Variants in MRGPRF observed in about 807,000 individuals in gnomAD.
MRGPRF encodes mas-related G protein-coupled receptor member F.
A neutral mutation model predicts 3.3 loss-of-function variants in MRGPRF; 2 were observed. The observed-to-expected ratio is 0.61, with a 90% CI of 0.25 to 1.92. The LOEUF is 1.92. Among genes scored for constraint, MRGPRF ranks in the 40% most tolerant of loss-of-function variants. The pLI, the probability that MRGPRF is intolerant of heterozygous loss-of-function variation, is 0.16. For synonymous variants in MRGPRF, 242 were observed against 222.7 expected, an observed-to-expected ratio of 1.09 and a Z score of -0.77; for missense variants, 500 against 476.0, an observed-to-expected ratio of 1.05 and a Z score of -0.47.
At chr11:69,013,050 A>G (rs1310060216) in intron 1 of MRGPRF, 33 bp downstream of exon 1, 1 of 152,522 alleles carries the variant, frequency 6.6e-6, no homozygotes, top group Non-Finnish European at 1.5e-5. Context: ...TTGTTGGAAC[A>G]CCCTCCCCTG....
At chr11:69,009,397 A>C in intron 2 of MRGPRF, 1 of 444,342 alleles carries the variant, frequency 2.3e-6, no homozygotes, top group Non-Finnish European at 4.0e-6. Context: ...TGGGTGACTC[A>C]TGACTAATGG....
At chr11:69,010,327 C>T (rs1860569307) in intron 1 of MRGPRF, among the ~76,000 whole-genome samples, 1 of 152,252 alleles carries the variant, frequency 6.6e-6, no homozygotes, top group African/African-American at 2.4e-5. Flanking sequence ...GGTGTGGGGA[C>T]AGGGGTTTCC....
chr11:69,013,384 C>G (rs1008218774), upstream of MRGPRF: 1 of 152,576 alleles, frequency 6.6e-6, no homozygotes, highest in South Asian at 2.1e-4. Flanking sequence ...CAGGAGCCCC[C>G]CCCAGAGCCC....
chr11:69,006,619 C>CTTTTTTT (rs11326908), intron 2 of MRGPRF, among the ~76,000 whole-genome samples: 12 of 107,934 alleles, frequency 1.1e-4, no homozygotes, highest in South Asian at 6.8e-4. Context: ...GAGCCTTTCC[C>CTTTTTTT]TTTTTTTTTT....
At position 69,009,893 on chromosome 11, in the gene MRGPRF, T is replaced by A. The variant is rs1393639330; in HGVS notation, c.9A>T (p.Gly3=). 6.2e-7 allele frequency: 1 copy of A among 1,607,092 alleles called. No homozygotes were observed. The highest frequency in any genetic ancestry group is 1.7e-5 in the Admixed American group (1 of 59,810). MA[G]NCSWEAHPGN... ...CGGGATGGGCCTCCCAGGAGCAGTT[T>A]CCAGCCATCTCCAGGCCTGGCGCGT... The change falls in exon 2 of 3, where the codon GGA becomes GGT. Residue 3 remains glycine (G), a synonymous_variant. Coordinates refer to ENST00000309099, the MANE Select transcript of MRGPRF (RefSeq NM_145015.5).
In MRGPRF at chr11:69,009,839, G is replaced by T. The variant is rs373496286; in HGVS notation, c.48+15C>A. Reference sequence around the variant, plus strand: ...CGTCTGGGCAAGACCAGGGCCCTCCGCCTGTGGCACTTACCTTGTTCCTGT... The same window carrying T: ...CGTCTGGGCAAGACCAGGGCCCTCCTCCTGTGGCACTTACCTTGTTCCTGT... On this transcript the variant is annotated intron_variant, in intron 2 of 2. Coordinates refer to ENST00000309099, the MANE Select transcript of MRGPRF (RefSeq NM_145015.5). 1.9e-6 allele frequency: 3 copies of T among 1,593,428 alleles called. No homozygotes were observed.
chr11:69,006,022 C>T lies in MRGPRF; in HGVS notation c.288G>A (p.Lys96=), dbSNP rs1339092710. Residue 96 remains lysine (K), a synonymous_variant, in exon 3 of 3, where the codon AAG becomes AAA. Coordinates refer to ENST00000309099, the MANE Select transcript of MRGPRF (RefSeq NM_145015.5). ...ASADVGYLFS[K]AVFSILNTGG... ...CCGTGTTCAGGATGGAGAACACCGC[C>T]TTGCTGAAGAGGTAGCCCACATCGG... The T allele has an allele frequency of 6.4e-7, 1 of 1,573,966 alleles. No homozygotes were observed. The highest frequency in any genetic ancestry group is 1.3e-5 in the African/African-American group (1 of 74,230).
Position 69,005,898 on chromosome 11 carries a change from T to C in MRGPRF, c.412A>G (p.Ser138Gly), listed in dbSNP as rs1199464013. 1.3e-6 allele frequency: 2 copies of C among 1,572,440 alleles called. No individual in the cohort carries two copies. Among genetic ancestry groups the C allele is most frequent in the Non-Finnish European group, 1.7e-6 (2 of 1,160,008 alleles). ...ATGACCGAGGCGCAGCGCTCGGCGC[T>C]GACGGCCGGCAGGAGGCTCACGCCG... Reference protein sequence around the residue: ...LTGVSLLPAVSAERCASVIFP... With the variant: ...LTGVSLLPAVGAERCASVIFP... The change falls in exon 3 of 3, where the codon AGC becomes GGC. Residue 138 changes from serine to glycine, a missense_variant. Ser to Gly is a moderately conservative substitution (Grantham distance 56, BLOSUM62 0). Transcript: ENST00000309099.
Position 69,005,430 on chromosome 11 carries a change from C to A in MRGPRF, c.880G>T (p.Ala294Ser), listed in dbSNP as rs1294337957. 1 of 1,588,886 alleles carries A rather than the reference C, an allele frequency of 6.3e-7. No individual in the cohort carries two copies. Among genetic ancestry groups the A allele is most frequent in the Non-Finnish European group, 8.6e-7 (1 of 1,167,956 alleles). Reference sequence around the variant, plus strand: ...AGCCGCTGCGACTTGTCCCTCCCGGCCAGGAAGTAGACGATGGGCTTGGCG... The same window carrying A: ...AGCCGCTGCGACTTGTCCCTCCCGGACAGGAAGTAGACGATGGGCTTGGCG... ...SSAKPIVYFL[A>S]GRDKSQRLWE... The change falls in exon 3 of 3, where the codon GCC becomes TCC. Residue 294 changes from alanine to serine, a missense_variant. Ala to Ser is a moderately conservative substitution (Grantham distance 99, BLOSUM62 1). Coordinates refer to ENST00000309099, the MANE Select transcript of MRGPRF (RefSeq NM_145015.5).
chr11:69,005,636 T>A lies in MRGPRF; in HGVS notation c.674A>T (p.Glu225Val). 6.4e-7 allele frequency: 1 copy of A among 1,554,296 alleles called. No homozygotes were observed. The highest frequency in any genetic ancestry group is 8.7e-7 in the Non-Finnish European group (1 of 1,149,046). The change falls in exon 3 of 3, where the codon GAG becomes GTG. Residue 225 changes from glutamate (E) to valine (V), a missense_variant. Glu to Val is a moderately radical substitution (Grantham distance 121). Transcript: ENST00000309099. Reference sequence around the variant, plus strand: ...GCGCTGGCGCCGTCGGGCCCGGCACTCCACGTGCAGGATGAGGGCCAGGCA... The same window carrying A: ...GCGCTGGCGCCGTCGGGCCCGGCACACCACGTGCAGGATGAGGGCCAGGCA... ...LPCLALILHV[E>V]CRARRRQRSA...
At position 69,005,742 on chromosome 11, in the gene MRGPRF, G is replaced by A; in HGVS notation, c.568C>T (p.Pro190Ser). 1 of 1,549,884 alleles carries A rather than the reference G, an allele frequency of 6.5e-7. No homozygotes were observed. The highest frequency in any genetic ancestry group is 1.2e-5 in the South Asian group (1 of 83,940). ...YFCVFLGRGA[P>S]GAACRHMDIF... is the part of the protein sequence containing the mutation. ...TCCATGTGCCTGCAGGCCGCGCCGG[G>A]GGCCCCGCGGCCCAGGAACACGCAG... Residue 190 changes from proline (P) to serine (S), a missense_variant, in exon 3 of 3, where the codon CCC (proline) becomes TCC (serine). By Grantham distance (74) the Pro-to-Ser change is moderately conservative. Coordinates refer to ENST00000309099, the MANE Select transcript of MRGPRF (RefSeq NM_145015.5).
rs199904828 is a variant in MRGPRF at position 69,009,909 on chromosome 11, C to T, written c.-8G>A. ...GGAGCAGTTTCCAGCCATCTCCAGG[C>T]CTGGCGCGTCTGGGCCCCTGCTGGC... On this transcript the variant is annotated 5_prime_UTR_variant, in exon 2 of 3. Coordinates refer to ENST00000309099, the MANE Select transcript of MRGPRF (RefSeq NM_145015.5). The T allele has an allele frequency of 9.4e-6, 15 of 1,602,730 alleles. No homozygotes were observed. The East Asian group carries it at 2.7e-4, about 29-fold the overall frequency.
chr11:69,005,596 G>T lies in MRGPRF; in HGVS notation c.714C>A (p.Asn238Lys). ...ARRRQRSAKL[N>K]HVILAMVSVF... Reference sequence around the variant, plus strand: ...CGGAGACCATGGCCAGGATGACGTGGTTGAGCTTGGCAGAGCGCTGGCGCC... The same window carrying T: ...CGGAGACCATGGCCAGGATGACGTGTTTGAGCTTGGCAGAGCGCTGGCGCC... The change falls in exon 3 of 3, where the codon AAC becomes AAA. Residue 238 changes from asparagine to lysine, a missense_variant. Asn to Lys is a moderately conservative substitution (Grantham distance 94, BLOSUM62 0). Transcript: ENST00000309099. 2 of 1,576,266 alleles carry T rather than the reference G, an allele frequency of 1.3e-6. No individual in the cohort carries two copies. The highest frequency in any genetic ancestry group is 1.8e-5 in the Admixed American group (1 of 54,378).
At chr11:69,008,832 G>A (rs906339682) in intron 2 of MRGPRF, among the ~76,000 whole-genome samples, 2 of 152,192 alleles carry the variant, frequency 1.3e-5, no homozygotes, top group Non-Finnish European at 1.5e-5. Flanking sequence ...GGATGGAGGC[G>A]GTCAGCTTAC....
chr11:69,008,405 A>G (rs1185594992), intron 2 of MRGPRF, among the ~76,000 whole-genome samples: 1 of 152,214 alleles, frequency 6.6e-6, no homozygotes, highest in Non-Finnish European at 1.5e-5. Context: ...TTATGAAGGC[A>G]GGATCCATTC....
At chr11:69,011,974 C>T (rs930186938) in intron 1 of MRGPRF, among the ~76,000 whole-genome samples, 1 of 152,250 alleles carries the variant, frequency 6.6e-6, no homozygotes, top group Non-Finnish European at 1.5e-5. Context: ...TTGTCCTTGT[C>T]CTGCCAGGGA....
Position 69,005,272 on chromosome 11 carries a change from G to A in MRGPRF, c.*6C>T. On this transcript the variant is annotated 3_prime_UTR_variant, in exon 3 of 3. Transcript: ENST00000309099. ...CCTGCCCCTGCCTCCTCCAGGCGCT[G>A]GAGTCTCAGGAGGCGTTCCCCGGGG... 6.1e-6 allele frequency: 9 copies of A among 1,479,110 alleles called. No homozygotes were observed. The highest frequency in any genetic ancestry group is 8.0e-6 in the Non-Finnish European group (9 of 1,120,444). 91.6% of individuals were successfully genotyped at this position (1,479,110 alleles called of 1,614,324 possible). A position where few individuals can be genotyped will look rare whatever the true frequency, so the allele number is the denominator to read the frequency against.
At chr11:69,006,373 A>C in intron 2 of MRGPRF, 112 bp from the exon 3 acceptor site, 6 of 977,570 alleles carry the variant, frequency 6.1e-6, no homozygotes, top group Non-Finnish European at 7.1e-6. Flanking sequence ...GACTTGGGGC[A>C]GGGAGGGGGT....
Position 69,005,981 on chromosome 11 carries a change from G to A in MRGPRF, c.329C>T (p.Thr110Met), listed in dbSNP as rs1267722077. Residue 110 changes from threonine to methionine, a missense_variant, in exon 3 of 3, where the codon ACG (threonine) becomes ATG (methionine). Physicochemically the swap from Thr to Met is moderately conservative, Grantham distance 81 (BLOSUM62 -1). Transcript: ENST00000309099. The stretch of plus-strand genomic sequence containing the variant: ...CACGCTGCGGATGTAGTCGGCAAAC[G>A]TGCCCAGGAAGCCCCCCGTGTTCAG... The part of the protein sequence containing the change: ...SILNTGGFLG[T>M]FADYIRSVCR... The A allele has an allele frequency of 1.9e-6, 3 of 1,565,720 alleles. No homozygotes were observed. Among genetic ancestry groups the A allele is most frequent in the Non-Finnish European group, 2.6e-6 (3 of 1,155,138 alleles).
Sources: allele counts gnomAD v4.1 joint callset (sites outside exome capture counted in the v4.1 genomes callset), GRCh38; gene constraint gnomAD v4.1.1; transcripts MANE v1.5; gene names NCBI Gene and HGNC (gene_info 2026-07-23, HGNC 2026-07-21).